Variants in FKBP10 observed in about 807,000 individuals in gnomAD.
The protein encoded by FKBP10 is peptidyl-prolyl cis-trans isomerase FKBP10.
Under a neutral mutation model 53.7 loss-of-function variants are expected in FKBP10, and 34 were observed. That is an observed-to-expected ratio of 0.63 (90% CI 0.48 to 0.84). FKBP10 has a LOEUF of 0.84. Among genes scored for constraint, FKBP10 ranks in the 40% least tolerant of loss-of-function variants. The pLI is 0.00. For synonymous variants in FKBP10, 324 were observed against 335.7 expected, an observed-to-expected ratio of 0.97 and a Z score of 0.38; for missense variants, 748 against 797.8, an observed-to-expected ratio of 0.94 and a Z score of 0.75.
intron 1 of FKBP10, among the ~76,000 whole-genome samples, chr17:41,815,722 T>C (rs1179783581): frequency 6.6e-6 from 1 of 151,466 alleles, no homozygotes; most frequent in Non-Finnish European, 1.5e-5. Context: ...CCCAAAGTGC[T>C]GGGATTACAG....
Position 41,813,244 on chromosome 17 carries a change from C to G in FKBP10, c.210C>G (p.Asn70Lys), listed in dbSNP as rs373594621. The change falls in exon 1 of 10, where the codon AAC becomes AAG. Residue 70 changes from asparagine to lysine, a missense_variant. Physicochemically the swap from Asn to Lys is moderately conservative, Grantham distance 94. Coordinates refer to ENST00000321562, the MANE Select transcript of FKBP10 (RefSeq NM_021939.4). ...QMGDFVRYHY[N>K]GTFEDGKKFD... ...GGGATTTTGTGCGCTACCACTACAA[C>G]GGCACTTTTGAAGATGGCAAGAAGT... 1.1e-5 allele frequency: 18 copies of G among 1,613,722 alleles called. No homozygotes were observed. The highest frequency in any genetic ancestry group is 1.3e-5 in the Non-Finnish European group (15 of 1,180,006).
chr17:41,817,295 G>A (rs1555616236), intron 2 of FKBP10, 92 bp downstream of exon 2: 1 of 1,533,122 alleles, frequency 6.5e-7, no homozygotes, highest in East Asian at 2.3e-5. Context: ...GCGGAGATGA[G>A]GAGTGACTTG....
rs782781776 is a variant in FKBP10 at position 41,820,998 on chromosome 17, C to T, written c.1308C>T (p.Ile436=). 1.5e-5 allele frequency: 24 copies of T among 1,610,008 alleles called. No individual in the cohort carries two copies. The highest frequency in any genetic ancestry group is 1.3e-4 in the East Asian group (6 of 44,748). ...QEATLGANKV[I]EGLDTGLQGM... ...CGACTCTCGGGGCCAACAAGGTGATCGAAGGCCTGGACACGGGCCTGCAGG... is the reference window on the plus strand; with the variant it reads ...CGACTCTCGGGGCCAACAAGGTGATTGAAGGCCTGGACACGGGCCTGCAGG... The change falls in exon 8 of 10, where the codon ATC becomes ATT. Residue 436 remains isoleucine (I), a synonymous_variant. Coordinates refer to ENST00000321562, the MANE Select transcript of FKBP10 (RefSeq NM_021939.4).
At chr17:41,818,657 C>T in intron 4 of FKBP10, 130 bp downstream of exon 4, 1 of 1,269,936 alleles carries the variant, frequency 7.9e-7, no homozygotes, top group Non-Finnish European at 1.1e-6. Context: ...ATGAAATCTA[C>T]CCTTGGTGCT....
chr17:41,820,209 G>C (rs2047872767), intron 6 of FKBP10, 60 bp from the exon 7 acceptor site: 7 of 1,575,814 alleles, frequency 4.4e-6, no homozygotes, highest in Non-Finnish European at 6.1e-6. Context: ...TCCATGGAGA[G>C]ACCTCAAGTA....
chr17:41,814,590 G>T (rs1005526742), intron 1 of FKBP10, among the ~76,000 whole-genome samples: 6 of 152,186 alleles, frequency 3.9e-5, no homozygotes, highest in African/African-American at 1.4e-4. Flanking sequence ...CTTAAAACCT[G>T]TCTGCTTGGT....
intron 4 of FKBP10, chr17:41,818,968 A>G: frequency 1.9e-6 from 1 of 512,980 alleles, no homozygotes; most frequent in Non-Finnish European, 3.5e-6. Flanking sequence ...AAAAAAAAAA[A>G]AAAAAAGAAG....
At chr17:41,814,428 G>C (rs1181074648) in intron 1 of FKBP10, among the ~76,000 whole-genome samples, 1 of 152,214 alleles carries the variant, frequency 6.6e-6, no homozygotes, top group African/African-American at 2.4e-5. Context: ...ATGAACGTAG[G>C]CTTCTCACAG....
At chr17:41,813,560 A>G (rs1416380043) in intron 1 of FKBP10, among the ~76,000 whole-genome samples, 1 of 152,046 alleles carries the variant, frequency 6.6e-6, no homozygotes, top group Non-Finnish European at 1.5e-5. Flanking sequence ...GGCTGTATGT[A>G]ATGACCTGAT....
chr17:41,815,329 T>C (rs1411811983), intron 1 of FKBP10, among the ~76,000 whole-genome samples: 9 of 151,828 alleles, frequency 5.9e-5, no homozygotes, highest in African/African-American at 1.9e-4. Context: ...GCCTTAATTT[T>C]TCATATTTTA....
intron 1 of FKBP10, among the ~76,000 whole-genome samples, chr17:41,813,659 C>T (rs539246560): frequency 6.6e-6 from 1 of 152,262 alleles, no homozygotes; most frequent in South Asian, 2.1e-4. Context: ...AGCCTGGACC[C>T]CGTACCTTTC....
Position 41,820,938 on chromosome 17 carries a change from C to G in FKBP10, c.1257-9C>G, listed in dbSNP as rs1555616939. On this transcript the variant is annotated splice_polypyrimidine_tract_variant and intron_variant, in intron 7 of 9. Transcript: ENST00000321562. Reference sequence around the variant, plus strand: ...GTGGCTGCTGACCTGGGCATCTGCTCTCCCCCAGGCATGACTACGGGGCCC... The same window carrying G: ...GTGGCTGCTGACCTGGGCATCTGCTGTCCCCCAGGCATGACTACGGGGCCC... 1.9e-6 allele frequency: 3 copies of G among 1,611,018 alleles called. No individual in the cohort carries two copies. Among genetic ancestry groups the G allele is most frequent in the Middle Eastern group, 1.7e-4 (1 of 5,978 alleles).
chr17:41,817,635 C>G (rs371295934), intron 2 of FKBP10, among the ~76,000 whole-genome samples: 2 of 144,516 alleles, frequency 1.4e-5, no homozygotes, highest in Admixed American at 6.9e-5. Flanking sequence ...TTTTCTTTTT[C>G]TTTTTTTTTT....
intron 7 of FKBP10, 199 bp from the exon 8 acceptor site, chr17:41,820,748 A>G: frequency 1.3e-6 from 1 of 774,652 alleles, no homozygotes; most frequent in Non-Finnish European, 2.0e-6. Context: ...TCGAGGCCAC[A>G]CTTTAGGGGG....
rs1567855869 is a variant in FKBP10 at position 41,820,478 on chromosome 17, G to T, written c.1256+17G>T. The T allele has an allele frequency of 1.2e-6, 2 of 1,611,726 alleles. No individual in the cohort carries two copies. Among genetic ancestry groups the T allele is most frequent in the Middle Eastern group, 1.8e-4 (1 of 5,714 alleles). On this transcript the variant is annotated intron_variant, in intron 7 of 9. Coordinates refer to ENST00000321562, the MANE Select transcript of FKBP10 (RefSeq NM_021939.4). ...GTTCACCTCGTGGGTCCGGGGGGGG[G>T]CCGGGACTGGGCAGGTGGGTGGGCA...
At position 41,822,497 on chromosome 17, in the gene FKBP10, C is replaced by T; in HGVS notation, c.*89C>T. Reference sequence around the variant, plus strand: ...GGACTGACCTGCTGACAGTCACCCTCCCTCTGCTGGGATGAGGTCCAGGAG... The same window carrying T: ...GGACTGACCTGCTGACAGTCACCCTTCCTCTGCTGGGATGAGGTCCAGGAG... On this transcript the variant is annotated 3_prime_UTR_variant, in exon 10 of 10. Transcript: ENST00000321562. The T allele has an allele frequency of 6.9e-7, 1 of 1,443,794 alleles. No homozygotes were observed. Among genetic ancestry groups the T allele is most frequent in the Non-Finnish European group, 9.5e-7 (1 of 1,055,998 alleles). The allele number at this position is 1,443,794 out of a possible 1,614,324, so 89.4% of individuals were successfully genotyped here. A position where few individuals can be genotyped will look rare whatever the true frequency, so the allele number is the denominator to read the frequency against.
Position 41,818,362 on chromosome 17 carries a change from C to G in FKBP10, c.582-20C>G. ...CCGGGGCCCAGCCTGCCTCTCCCAC[C>G]TCCACCTCATTTTCTGCAGCTACAG... On this transcript the variant is annotated intron_variant, in intron 3 of 9. Coordinates refer to ENST00000321562, the MANE Select transcript of FKBP10 (RefSeq NM_021939.4). 3.7e-6 allele frequency: 6 copies of G among 1,614,212 alleles called. No individual in the cohort carries two copies. Among genetic ancestry groups the G allele is most frequent in the Non-Finnish European group, 5.1e-6 (6 of 1,180,040 alleles).
At chr17:41,822,065 C>A (rs1386193213) in intron 9 of FKBP10, among the ~76,000 whole-genome samples, 158 bp from the exon 10 acceptor site, 1 of 152,090 alleles carries the variant, frequency 6.6e-6, no homozygotes, top group East Asian at 1.9e-4. Context: ...AGGACCCCAG[C>A]ACCAGTGCCT....
intron 2 of FKBP10, 93 bp downstream of exon 2, chr17:41,817,296 G>C: frequency 6.5e-7 from 1 of 1,532,416 alleles, no homozygotes; most frequent in East Asian, 2.3e-5. Flanking sequence ...CGGAGATGAG[G>C]AGTGACTTGC....
Sources: gnomAD v4.1 joint callset for allele counts (sites outside exome capture counted in the v4.1 genomes callset) on GRCh38, gnomAD v4.1.1 for gene constraint, MANE v1.5 for transcripts, NCBI Gene and HGNC (gene_info 2026-07-23, HGNC 2026-07-21) for gene names.